The following TRIQK variants were observed in gnomAD, a reference collection of about 807,000 sequenced individuals.
The protein encoded by TRIQK is triple QxxK/R motif-containing protein.
A neutral mutation model predicts 10.8 loss-of-function variants in TRIQK; 10 were observed. The observed-to-expected ratio is 0.92, with a 90% CI of 0.57 to 1.57. TRIQK has a LOEUF of 1.57. TRIQK is among the 40% of genes most tolerant of loss of function. TRIQK has a pLI of 0.00. For missense variants in TRIQK, 107 were observed against 97.7 expected (o/e 1.09, Z -0.40); for synonymous variants, 33 against 33.7 (o/e 0.98, Z 0.07).
chr8:93,003,059 T>C (rs955784706), intron 1 of TRIQK, among the ~76,000 whole-genome samples: 2 of 151,990 alleles, frequency 1.3e-5, no homozygotes, highest in African/African-American at 4.8e-5. Flanking sequence ...CTAATTAACA[T>C]AAATGCAAAA....
chr8:93,008,414 C>T (rs1338590929), intron 1 of TRIQK, among the ~76,000 whole-genome samples: 1 of 152,020 alleles, frequency 6.6e-6, no homozygotes, highest in East Asian at 1.9e-4. Flanking sequence ...TCAAAGTCAT[C>T]TACATATTCA....
In TRIQK at chr8:92,978,735, A is replaced by G. The variant is rs78248299; in HGVS notation, c.-180-24171T>C. On this transcript the variant is annotated intron_variant, in intron 1 of 4. Transcript: ENST00000520686. ...CAGTCCTTTGGTGACAGGAATGAACATATTTATTTTTGCATTTTTGCTTAC... is the reference window on the plus strand; with the variant it reads ...CAGTCCTTTGGTGACAGGAATGAACGTATTTATTTTTGCATTTTTGCTTAC... Among the ~76,000 whole-genome samples the G allele has an allele frequency of 5.7e-3, 875 of 152,178 alleles. 2 individuals are homozygous for G. The highest frequency in any genetic ancestry group is 8.5e-3 in the Non-Finnish European group (577 of 67,986).
At chr8:92,930,353 G>A (rs1391016467) in intron 2 of TRIQK, among the ~76,000 whole-genome samples, 3 of 120,566 alleles carry the variant, frequency 2.5e-5, no homozygotes, top group African/African-American at 3.2e-5. Context: ...TTGAGCCACT[G>A]AGCTCCAGCC....
chr8:92,989,486 G>A (rs1197551494), intron 1 of TRIQK, among the ~76,000 whole-genome samples: 1 of 151,956 alleles, frequency 6.6e-6, no homozygotes, highest in Non-Finnish European at 1.5e-5. Context: ...ATTTTCATAG[G>A]AGCTCGAACC....
chr8:92,957,005 A>G (rs1379820091), intron 1 of TRIQK, among the ~76,000 whole-genome samples: 3 of 151,822 alleles, frequency 2.0e-5, no homozygotes, highest in African/African-American at 7.2e-5. Flanking sequence ...CATGACAGGT[A>G]CAATTTCCCA....
At chr8:92,894,546 C>G (rs768472927) in intron 3 of TRIQK, among the ~76,000 whole-genome samples, 8 of 151,806 alleles carry the variant, frequency 5.3e-5, no homozygotes, top group Non-Finnish European at 8.8e-5. Context: ...GATGCAATAA[C>G]CAAAGTAGCT....
intron 1 of TRIQK, among the ~76,000 whole-genome samples, chr8:92,994,475 G>A (rs1382628425): frequency 1.3e-5 from 2 of 151,694 alleles, no homozygotes; most frequent in Non-Finnish European, 2.9e-5. Context: ...GACAACTGCT[G>A]CACTAATAGA....
chr8:92,917,223 G>T (rs1016522673), intron 2 of TRIQK, among the ~76,000 whole-genome samples: 2 of 151,786 alleles, frequency 1.3e-5, no homozygotes, highest in Non-Finnish European at 2.9e-5. Flanking sequence ...ATTTGTTTTT[G>T]ATAACATTCA....
chr8:92,920,672 A>G (rs981106549), intron 2 of TRIQK, among the ~76,000 whole-genome samples: 2 of 151,818 alleles, frequency 1.3e-5, no homozygotes, highest in Admixed American at 6.6e-5. Context: ...AAGCACAGAA[A>G]GAAAGTGGAC....
intron 2 of TRIQK, among the ~76,000 whole-genome samples, chr8:92,947,587 GAAAA>G (rs35808197): frequency 1.6e-5 from 1 of 61,440 alleles, no homozygotes; most frequent in African/African-American, 6.4e-5. Context: ...TCCGCCTCAG[GAAAA>G]AAAAAAAAAA....
intron 1 of TRIQK, among the ~76,000 whole-genome samples, chr8:92,997,950 A>C (rs1378606342): frequency 6.6e-6 from 1 of 152,044 alleles, no homozygotes. Context: ...ACAAAGTGAA[A>C]TTTAGAAGTG....
intron 3 of TRIQK, among the ~76,000 whole-genome samples, chr8:92,908,009 T>C (rs895599698): frequency 6.6e-6 from 1 of 152,138 alleles, no homozygotes; most frequent in Admixed American, 6.6e-5. Context: ...CCAGAAATTA[T>C]TTCATATTTA....
chr8:93,011,174 A>T (rs1373342882), intron 1 of TRIQK, among the ~76,000 whole-genome samples: 1 of 128,650 alleles, frequency 7.8e-6, no homozygotes, highest in Non-Finnish European at 1.6e-5. Context: ...GTGTATACAC[A>T]TACATACACA....
intron 3 of TRIQK, among the ~76,000 whole-genome samples, chr8:92,916,594 TATA>T (rs1809862222): frequency 6.6e-6 from 1 of 152,152 alleles, no homozygotes; most frequent in Non-Finnish European, 1.5e-5. Context: ...AATTAAAAGT[TATA>T]ATATGTATAC....
intron 3 of TRIQK, among the ~76,000 whole-genome samples, 197 bp downstream of exon 3, chr8:92,916,732 G>GT (rs1456047323): frequency 1.6e-4 from 25 of 151,812 alleles, no homozygotes; most frequent in Admixed American, 2.6e-4. Context: ...CTGAAAAATC[G>GT]TAAGTACATG....
intron 2 of TRIQK, among the ~76,000 whole-genome samples, chr8:92,941,899 A>G (rs151219394): frequency 4.1e-4 from 63 of 152,342 alleles, no homozygotes; most frequent in Middle Eastern, 3.4e-3. Flanking sequence ...AAATCTGAAC[A>G]GAACAATAAT....
At chr8:92,976,378 A>T (rs998703702) in intron 1 of TRIQK, among the ~76,000 whole-genome samples, 4 of 151,990 alleles carry the variant, frequency 2.6e-5, no homozygotes, top group Admixed American at 1.3e-4. Flanking sequence ...CTCCTTCATC[A>T]TTATGAAATG....
At chr8:92,947,638 T>G (rs1164542242) in intron 2 of TRIQK, among the ~76,000 whole-genome samples, 1 of 147,586 alleles carries the variant, frequency 6.8e-6, no homozygotes. Context: ...TGCCCTTCAC[T>G]ATTTTTCATT....
intron 2 of TRIQK, among the ~76,000 whole-genome samples, chr8:92,939,233 A>C (rs1811148861): frequency 6.6e-6 from 1 of 152,214 alleles, no homozygotes. Flanking sequence ...CTTCTAAAAC[A>C]TTATCCCCAG....
Sources: gnomAD v4.1 joint callset for allele counts (sites outside exome capture counted in the v4.1 genomes callset) on GRCh38, gnomAD v4.1.1 for gene constraint, MANE v1.5 for transcripts, NCBI Gene and HGNC (gene_info 2026-07-23, HGNC 2026-07-21) for gene names.